Variants in HACD2 observed in about 807,000 individuals in gnomAD.
The protein encoded by HACD2 is very-long-chain (3R)-3-hydroxyacyl-CoA dehydratase 2.
HACD2 carries 15 observed loss-of-function variants against 31.0 expected under a neutral mutation model. The observed-to-expected ratio is 0.48, with a 90% CI of 0.32 to 0.75. HACD2 has a LOEUF of 0.75. HACD2 is among the 30% of genes least tolerant of loss of function. The pLI is 0.03. For missense variants in HACD2, 283 were observed against 313.0 expected (o/e 0.90, Z 0.72); for synonymous variants, 115 against 122.2 (o/e 0.94, Z 0.39).
chr3:123,533,058 C>T (rs749105276), intron 3 of HACD2, among the ~76,000 whole-genome samples: 1 of 152,120 alleles, frequency 6.6e-6, no homozygotes, highest in African/African-American at 2.4e-5. Context: ...GAAACCTTCA[C>T]GCTAGATCTG....
intron 3 of HACD2, 67 bp downstream of exon 3, chr3:123,567,691 AGCCT>A (rs2056807057): frequency 1.1e-6 from 1 of 943,694 alleles, no homozygotes. Context: ...AAATCAATAA[AGCCT>A]ATCATCTATG....
At chr3:123,504,618 C>T (rs1177748202) in intron 4 of HACD2, among the ~76,000 whole-genome samples, 2 of 152,018 alleles carry the variant, frequency 1.3e-5, no homozygotes, top group Admixed American at 6.6e-5. Flanking sequence ...ACCTCCCATC[C>T]GTCCCCAAGT....
chr3:123,505,553 AT>A (rs1171768405), intron 4 of HACD2, among the ~76,000 whole-genome samples: 1 of 152,224 alleles, frequency 6.6e-6, no homozygotes, highest in Non-Finnish European at 1.5e-5. Context: ...ACCTTATGAA[AT>A]CAAGAGATCT....
At chr3:123,495,092 A>G (rs1163185083) in intron 6 of HACD2, 122 bp from the exon 7 acceptor site, 3 of 649,924 alleles carry the variant, frequency 4.6e-6, no homozygotes, top group Admixed American at 6.2e-5. Context: ...CAACCAAGGA[A>G]GGTAACAAAG....
In HACD2 at chr3:123,493,965, T is replaced by C. The variant is rs1238249182; in HGVS notation, c.*923A>G. On this transcript the variant is annotated 3_prime_UTR_variant, in exon 7 of 7. Coordinates refer to ENST00000383657, the MANE Select transcript of HACD2 (RefSeq NM_198402.5). The stretch of plus-strand genomic sequence containing the variant: ...TGACTACCTTTCTAAAGCAACACCT[T>C]CCATGTGCTTTCACTAACACAGCCT... 6.6e-6 allele frequency: 1 copy of C among 152,266 alleles called. No individual in the cohort carries two copies. Among genetic ancestry groups the C allele is most frequent in the African/African-American group, 2.4e-5 (1 of 41,468 alleles). The allele number at this position is 152,266 out of a possible 1,614,324, so 9.4% of individuals were successfully genotyped here.
At chr3:123,574,446 T>G (rs566521131) in intron 2 of HACD2, among the ~76,000 whole-genome samples, 1 of 152,184 alleles carries the variant, frequency 6.6e-6, no homozygotes, top group Non-Finnish European at 1.5e-5. Context: ...TCCATTTGTA[T>G]AAACATAAAA....
At chr3:123,507,746 A>T (rs3109653) in intron 4 of HACD2, among the ~76,000 whole-genome samples, 143,383 of 152,166 alleles carry the variant, frequency 0.94, 68,126 homozygotes, top group Non-Finnish European at 1. Context: ...ATAAAAAAAA[A>T]TTTAAAAAAG....
chr3:123,514,978 AAC>A (rs1027188269), intron 4 of HACD2, among the ~76,000 whole-genome samples: 3 of 152,230 alleles, frequency 2.0e-5, no homozygotes, highest in African/African-American at 7.2e-5. Context: ...CAGAATTCAA[AAC>A]AGTTATACAG....
At chr3:123,543,664 G>A (rs1215550533) in intron 3 of HACD2, 5 of 415,316 alleles carry the variant, frequency 1.2e-5, no homozygotes, top group Non-Finnish European at 1.9e-5. Context: ...TATATTAAAG[G>A]AAAAAAAACT....
rs180788809 is a variant in HACD2 at position 123,580,916 on chromosome 3, C to T, written c.273+1296G>A. 3.1e-3 allele frequency among the ~76,000 whole-genome samples: 448 copies of T among 143,390 alleles called. 2 individuals carry two copies. Among genetic ancestry groups the T allele is most frequent in the African/African-American group, 0.011 (433 of 38,266 alleles). 94.1% of individuals were successfully genotyped at this position (143,390 alleles called of 152,430 possible). A position where few individuals can be genotyped will look rare whatever the true frequency, so the allele number is the denominator to read the frequency against. Reference sequence around the variant, plus strand: ...TGTTGCCCAGGCTGGAGTACAGTGGCGTGATCTCAGCTCACTGCAACCTTG... The same window carrying T: ...TGTTGCCCAGGCTGGAGTACAGTGGTGTGATCTCAGCTCACTGCAACCTTG... On this transcript the variant is annotated intron_variant, in intron 2 of 6. Coordinates refer to ENST00000383657, the MANE Select transcript of HACD2 (RefSeq NM_198402.5).
Position 123,584,974 on chromosome 3 carries a change from G to GCCGCCCCCGGCCCTC in HACD2, c.53_54insGAGGGCCGGGGGCGG (p.Gly17_Gly21dup). ...CGCTGGCGTCCCCGGCCCCGGCCCT[G>GCCGCCCCCGGCCCTC]CCACCGCCGCCCCCATTCCCCTTCG... On this transcript the variant is annotated inframe_insertion, in exon 1 of 7. Transcript: ENST00000383657. 1 of 1,524,272 alleles carries GCCGCCCCCGGCCCTC rather than the reference G, an allele frequency of 6.6e-7. No homozygotes were observed. The highest frequency in any genetic ancestry group is 8.8e-7 in the Non-Finnish European group (1 of 1,136,668). 94.4% of individuals were successfully genotyped at this position (1,524,272 alleles called of 1,614,324 possible). A position where few individuals can be genotyped will look rare whatever the true frequency, so the allele number is the denominator to read the frequency against.
intron 3 of HACD2, among the ~76,000 whole-genome samples, chr3:123,542,222 T>A (rs1377588577): frequency 1.5e-5 from 2 of 129,144 alleles, no homozygotes; most frequent in Non-Finnish European, 1.7e-5. Flanking sequence ...AATAGGCAAA[T>A]GAGCAAAGGG....
In HACD2 at chr3:123,502,629, T is replaced by C; in HGVS notation, c.434A>G (p.Glu145Gly). 2.5e-6 allele frequency: 4 copies of C among 1,607,728 alleles called. No homozygotes were observed. The highest frequency in any genetic ancestry group is 1.6e-4 in the Middle Eastern group (1 of 6,062). ...TGTATAAAAGGAGTAACGGATGATT[T>C]CCGTGATCGTCCATGCAATAACAAA... ...LLFVIAWTIT[E>G]IIRYSFYTFS... The change falls in exon 5 of 7, where the codon GAA becomes GGA. Residue 145 changes from glutamate (E) to glycine (G), a missense_variant. By Grantham distance (98) the Glu-to-Gly change is moderately conservative. Around this residue, in one of 3 missense-constraint regions of HACD2, gnomAD observed 85 missense variants for 129.6 expected, o/e 0.66. Transcript: ENST00000383657.
intron 2 of HACD2, among the ~76,000 whole-genome samples, chr3:123,572,429 G>A (rs1456479308): frequency 6.6e-6 from 1 of 152,114 alleles, no homozygotes; most frequent in Admixed American, 6.5e-5. Flanking sequence ...GATCACTTGA[G>A]CCCAAGAGGT....
In HACD2 at chr3:123,527,793, T is replaced by C. The variant is rs778484434; in HGVS notation, c.381+593A>G. On this transcript the variant is annotated intron_variant, in intron 4 of 6. Coordinates refer to ENST00000383657, the MANE Select transcript of HACD2 (RefSeq NM_198402.5). ...CAAAAGTTGCGGCCACAGGGCATGA[T>C]AAATGCTTAGTAAATATGTAAAAGG... Among the ~76,000 whole-genome samples, 9 of 152,256 alleles carry C rather than the reference T, an allele frequency of 5.9e-5. No homozygotes were observed. The South Asian group carries it at 6.2e-4, about 10-fold the overall frequency.
intron 5 of HACD2, 23 bp from the exon 6 acceptor site, chr3:123,500,716 T>C: frequency 6.5e-7 from 1 of 1,548,724 alleles, no homozygotes; most frequent in Non-Finnish European, 8.8e-7. Flanking sequence ...AAAATATTCA[T>C]TACTGAGGCT....
chr3:123,581,149 C>T (rs2056962978), intron 2 of HACD2, among the ~76,000 whole-genome samples: 1 of 152,124 alleles, frequency 6.6e-6, no homozygotes, highest in East Asian at 1.9e-4. Context: ...AAGTATCATT[C>T]CATAGTTCAG....
intron 3 of HACD2, among the ~76,000 whole-genome samples, chr3:123,559,483 T>C (rs2056705253): frequency 6.6e-6 from 1 of 152,206 alleles, no homozygotes; most frequent in Admixed American, 6.5e-5. Context: ...AACATCACAT[T>C]TACAGGTTCA....
At chr3:123,569,661 C>G (rs1345662295) in intron 2 of HACD2, among the ~76,000 whole-genome samples, 1 of 152,068 alleles carries the variant, frequency 6.6e-6, no homozygotes, top group Non-Finnish European at 1.5e-5. Context: ...TGCACCCGGC[C>G]CAGAAAACCT....
Sources: allele counts gnomAD v4.1 joint callset (sites outside exome capture counted in the v4.1 genomes callset), GRCh38; gene constraint gnomAD v4.1.1; regional missense constraint gnomAD v4.1.1; transcripts MANE v1.5; gene names NCBI Gene and HGNC (gene_info 2026-07-23, HGNC 2026-07-21).